The following ANKFN1 variants were observed in gnomAD, a reference collection of about 807,000 sequenced individuals.
The protein encoded by ANKFN1 is ankyrin repeat and fibronectin type-III domain-containing protein 1.
In ANKFN1, 74 loss-of-function variants were observed where a neutral mutation model predicts 108.7. That is an observed-to-expected ratio of 0.68 (90% CI 0.56 to 0.83). The LOEUF (loss-of-function observed/expected upper bound fraction) is 0.83, where lower values mean the gene tolerates loss of function less well. ANKFN1 is among the 40% of genes least tolerant of loss of function. The pLI is 0.00. For synonymous variants in ANKFN1, 547 were observed against 516.2 expected (o/e 1.06, Z -0.81); for missense variants, 1,505 against 1,382.3 (o/e 1.09, Z -1.41).
intron 15 of ANKFN1, among the ~76,000 whole-genome samples, chr17:56,469,413 A>G (rs2145309250): frequency 6.6e-6 from 1 of 152,236 alleles, no homozygotes; most frequent in Non-Finnish European, 1.5e-5. Context: ...TCTTGGTGGT[A>G]CCCAAAGCAG....
chr17:56,459,718 A>G (rs1476337612), intron 14 of ANKFN1, among the ~76,000 whole-genome samples: 1 of 152,092 alleles, frequency 6.6e-6, no homozygotes, highest in Non-Finnish European at 1.5e-5. Flanking sequence ...GTTTCTTAGA[A>G]CTTTCATCTG....
At chr17:56,503,841 G>A (rs1191853613) in intron 20 of ANKFN1, among the ~76,000 whole-genome samples, 5 of 152,148 alleles carry the variant, frequency 3.3e-5, no homozygotes, top group Admixed American at 1.3e-4. Context: ...GTCAACCAGA[G>A]GGGAAATTCA....
chr17:56,193,938 A>G (rs986601366), intron 1 of ANKFN1, among the ~76,000 whole-genome samples: 8 of 152,262 alleles, frequency 5.3e-5, no homozygotes, highest in Admixed American at 5.2e-4. Flanking sequence ...AAGAAAACAT[A>G]CAAGTTTATT....
chr17:56,081,816 C>T (rs541910601), intron 4 of ANKFN1, among the ~76,000 whole-genome samples: 1 of 152,292 alleles, frequency 6.6e-6, no homozygotes, highest in African/African-American at 2.4e-5. Flanking sequence ...TGGAGTTGTA[C>T]ACATACTCAC....
At chr17:56,179,518 CAA>C (rs1178292152) in intron 1 of ANKFN1, among the ~76,000 whole-genome samples, 6 of 152,174 alleles carry the variant, frequency 3.9e-5, no homozygotes, top group Non-Finnish European at 8.8e-5. Flanking sequence ...AAAATTGAGA[CAA>C]GAGCCATTTG....
At chr17:56,159,189 A>T (rs750751453) in intron 1 of ANKFN1, among the ~76,000 whole-genome samples, 3 of 152,200 alleles carry the variant, frequency 2.0e-5, no homozygotes, top group Non-Finnish European at 4.4e-5. Flanking sequence ...GAAAGTCATC[A>T]TTCTGCATTT....
At chr17:56,467,783 GAAAGAAAGAAGA>G (rs1231665939) in intron 15 of ANKFN1, among the ~76,000 whole-genome samples, 641 of 22,284 alleles carry the variant, frequency 0.029, 2 homozygotes, top group African/African-American at 0.038. Context: ...AAGAAAGAAA[GAAAGAAAGAAGA>G]AAGAAAGAAA....
upstream of ANKFN1, among the ~76,000 whole-genome samples, chr17:56,152,805 GCC>G (rs969938654): frequency 5.1e-4 from 78 of 152,258 alleles, no homozygotes; most frequent in African/African-American, 1.8e-3. Flanking sequence ...CACATAATGT[GCC>G]TCCTTTGGCA....
chr17:56,488,370 A>T (rs1221287998), intron 18 of ANKFN1, among the ~76,000 whole-genome samples: 2 of 152,192 alleles, frequency 1.3e-5, no homozygotes, highest in Non-Finnish European at 2.9e-5. Context: ...AGCAAGATGA[A>T]GGAGCCAGAG....
chr17:56,499,498 T>C (rs956788365), intron 20 of ANKFN1, among the ~76,000 whole-genome samples: 2 of 152,040 alleles, frequency 1.3e-5, no homozygotes, highest in African/African-American at 4.8e-5. Flanking sequence ...AAATAGCATC[T>C]GACAAGAACG....
chr17:56,291,120 A>G (rs932480629), intron 3 of ANKFN1, among the ~76,000 whole-genome samples: 3 of 152,228 alleles, frequency 2.0e-5, no homozygotes, highest in Non-Finnish European at 4.4e-5. Flanking sequence ...TGATCAGAAT[A>G]GATAGACCCC....
At chr17:56,334,006 T>C (rs2045737878) in intron 4 of ANKFN1, among the ~76,000 whole-genome samples, 1 of 152,060 alleles carries the variant, frequency 6.6e-6, no homozygotes, top group Non-Finnish European at 1.5e-5. Context: ...ATCTTGTTGC[T>C]TAAAGCAAAC....
chr17:56,121,100 T>C (rs1275876044), intron 4 of ANKFN1, among the ~76,000 whole-genome samples: 1 of 152,120 alleles, frequency 6.6e-6, no homozygotes, highest in Non-Finnish European at 1.5e-5. Flanking sequence ...TCCCTGTGAC[T>C]CCATATATTT....
At chr17:56,456,533 G>A (rs2049705910) in intron 11 of ANKFN1, among the ~76,000 whole-genome samples, 1 of 150,728 alleles carries the variant, frequency 6.6e-6, no homozygotes, top group African/African-American at 2.4e-5. Flanking sequence ...GAGTAGCTGT[G>A]ACTACAGACG....
At chr17:56,400,755 AT>A (rs1055821805) in intron 8 of ANKFN1, among the ~76,000 whole-genome samples, 4 of 151,990 alleles carry the variant, frequency 2.6e-5, no homozygotes, top group Non-Finnish European at 5.9e-5. Context: ...TCTTGAGTTG[AT>A]TTTTTTTATA....
intron 8 of ANKFN1, among the ~76,000 whole-genome samples, chr17:56,440,071 T>G (rs1484076900): frequency 8.0e-6 from 1 of 125,680 alleles, no homozygotes; most frequent in Non-Finnish European, 1.7e-5. Flanking sequence ...ACAATATACA[T>G]TATATTTATC....
At chr17:56,293,235 C>T (rs1399765386) in intron 3 of ANKFN1, among the ~76,000 whole-genome samples, 5 of 152,176 alleles carry the variant, frequency 3.3e-5, no homozygotes, top group Non-Finnish European at 5.9e-5. Flanking sequence ...TTTGACAGAT[C>T]GTTGCTGAAG....
chr17:56,098,131 G>A (rs113323210), intron 4 of ANKFN1, among the ~76,000 whole-genome samples: 1,695 of 152,190 alleles, frequency 0.011, 31 homozygotes, highest in African/African-American at 0.039. Flanking sequence ...GCAATCACAA[G>A]TCAAAGAATT....
At chr17:56,378,043 A>G (rs544798304) in intron 8 of ANKFN1, among the ~76,000 whole-genome samples, 1 of 152,312 alleles carries the variant, frequency 6.6e-6, no homozygotes, top group Admixed American at 6.5e-5. Flanking sequence ...AAGATTTGTA[A>G]TAGCAAATTG....
Sources: gnomAD v4.1 joint callset for allele counts (sites outside exome capture counted in the v4.1 genomes callset) on GRCh38, gnomAD v4.1.1 for gene constraint, MANE v1.5 for transcripts, NCBI Gene and HGNC (gene_info 2026-07-23, HGNC 2026-07-21) for gene names.